FAT3: variants seen among roughly 807,000 people sequenced by gnomAD.
The protein encoded by FAT3 is protocadherin Fat 3.
FAT3 carries 95 observed loss-of-function variants against 310.2 expected under a neutral mutation model. That is an observed-to-expected ratio of 0.31 (90% CI 0.26 to 0.36). The LOEUF is 0.36. FAT3 is among the 10% of genes least tolerant of loss of function. FAT3 has a pLI of 1.00. For missense variants in FAT3, 5,408 were observed against 5,715.6 expected, an observed-to-expected ratio of 0.95 and a Z score of 1.74; for synonymous variants, 2,314 against 2,192.9, an observed-to-expected ratio of 1.06 and a Z score of -1.54.
intron 1 of FAT3, among the ~76,000 whole-genome samples, chr11:92,266,127 G>T (rs78062967): frequency 0.01 from 1,590 of 152,208 alleles, 34 homozygotes; most frequent in African/African-American, 0.036. Flanking sequence ...GACTTGCAAG[G>T]AGATTTATCT....
At chr11:92,777,000 G>T (rs1946614669) in intron 7 of FAT3, among the ~76,000 whole-genome samples, 2 of 152,150 alleles carry the variant, frequency 1.3e-5, no homozygotes, top group South Asian at 4.1e-4. Context: ...CACCCTCCGT[G>T]TCAAGAACAC....
chr11:92,573,610 T>C (rs1386095667), intron 3 of FAT3, among the ~76,000 whole-genome samples: 1 of 152,072 alleles, frequency 6.6e-6, no homozygotes, highest in Non-Finnish European at 1.5e-5. Context: ...TGAGTGTCCT[T>C]ATAAGGGACA....
chr11:92,418,806 C>G (rs992041668), intron 2 of FAT3, among the ~76,000 whole-genome samples: 3 of 152,090 alleles, frequency 2.0e-5, no homozygotes, highest in Admixed American at 1.3e-4. Flanking sequence ...TTTTTATGGG[C>G]ATATCTTGCT....
intron 4 of FAT3, among the ~76,000 whole-genome samples, chr11:92,748,031 C>T (rs1400417770): frequency 1.3e-5 from 2 of 152,178 alleles, no homozygotes; most frequent in African/African-American, 4.8e-5. Context: ...ATCCTTACAG[C>T]AGCATCCCAC....
chr11:92,609,762 A>G (rs1327380684), intron 3 of FAT3, among the ~76,000 whole-genome samples: 1 of 152,160 alleles, frequency 6.6e-6, no homozygotes, highest in African/African-American at 2.4e-5. Flanking sequence ...TGATTTAAGC[A>G]TATCATTTCT....
chr11:92,679,149 A>G (rs1482242981), intron 3 of FAT3, among the ~76,000 whole-genome samples: 1 of 152,220 alleles, frequency 6.6e-6, no homozygotes, highest in Non-Finnish European at 1.5e-5. Flanking sequence ...TTTATGGCTG[A>G]ATAGTATTCC....
At chr11:92,277,690 G>A (rs1946310773) in intron 1 of FAT3, among the ~76,000 whole-genome samples, 1 of 151,932 alleles carries the variant, frequency 6.6e-6, no homozygotes, top group African/African-American at 2.4e-5. Context: ...ATAGACACTG[G>A]GAATACTAGA....
intron 1 of FAT3, among the ~76,000 whole-genome samples, chr11:92,274,947 T>A (rs1458181280): frequency 6.6e-6 from 1 of 152,152 alleles, no homozygotes; most frequent in Non-Finnish European, 1.5e-5. Flanking sequence ...TAAATGGGGA[T>A]GGTTAAGAGA....
chr11:92,745,916 G>A (rs565928595), intron 4 of FAT3, among the ~76,000 whole-genome samples: 1 of 152,296 alleles, frequency 6.6e-6, no homozygotes, highest in African/African-American at 2.4e-5. Context: ...GACAGATCAT[G>A]GGTACCTGGA....
intron 1 of FAT3, among the ~76,000 whole-genome samples, chr11:92,302,070 T>C (rs1591075837): frequency 1.3e-5 from 2 of 152,200 alleles, no homozygotes; most frequent in Non-Finnish European, 2.9e-5. Flanking sequence ...CACACACATA[T>C]ACATTCACAT....
chr11:92,818,599 A>G (rs755102535), intron 13 of FAT3, among the ~76,000 whole-genome samples: 3 of 152,200 alleles, frequency 2.0e-5, no homozygotes, highest in Non-Finnish European at 4.4e-5. Flanking sequence ...CAAGAAACAC[A>G]TCTAGTAACT....
intron 1 of FAT3, among the ~76,000 whole-genome samples, chr11:92,292,762 C>T (rs1257130413): frequency 6.6e-6 from 1 of 152,054 alleles, no homozygotes; most frequent in East Asian, 1.9e-4. Flanking sequence ...ATGCATTGTG[C>T]AAATGCTGCA....
chr11:92,322,093 T>A (rs539742331), intron 1 of FAT3, among the ~76,000 whole-genome samples: 2 of 152,126 alleles, frequency 1.3e-5, no homozygotes, highest in East Asian at 3.9e-4. Context: ...AACATGAATG[T>A]AAGATAATGA....
chr11:92,444,855 CT>C (rs1951173521), intron 2 of FAT3, among the ~76,000 whole-genome samples: 1 of 152,252 alleles, frequency 6.6e-6, no homozygotes, highest in South Asian at 2.1e-4. Flanking sequence ...GACTACAACC[CT>C]TTCAATGGCT....
At position 92,881,711 on chromosome 11, in the gene FAT3, T is replaced by C. The variant is rs568872389; in HGVS notation, c.12281+827T>C. On this transcript the variant is annotated intron_variant, in intron 23 of 27. Transcript: ENST00000525166. ...TTAAATATCAGAAAAATTGCTGAAA[T>C]AGAGAAAAGTGAAAAAGAAGGTCTA... Among the ~76,000 whole-genome samples the C allele has an allele frequency of 2.0e-5, 3 of 152,158 alleles. No homozygotes were observed. In the East Asian group the frequency reaches 5.8e-4, roughly 29 times the overall value.
chr11:92,700,999 G>A (rs1195808763), intron 4 of FAT3, among the ~76,000 whole-genome samples: 1 of 152,150 alleles, frequency 6.6e-6, no homozygotes, highest in East Asian at 1.9e-4. Flanking sequence ...GTAGAATAGA[G>A]TTGTCTGTTA....
At position 92,866,858 on chromosome 11, in the gene FAT3, C is replaced by G. The variant is rs1428504735; in HGVS notation, c.11776C>G (p.Arg3926Gly). 6.2e-7 allele frequency: 1 copy of G among 1,613,862 alleles called. No individual in the cohort carries two copies. Among genetic ancestry groups the G allele is most frequent in the African/African-American group, 1.3e-5 (1 of 75,058 alleles). The change falls in exon 22 of 28, where the codon CGC (arginine) becomes GGC (glycine). Residue 3926 changes from arginine to glycine, a missense_variant. Physicochemically the swap from Arg to Gly is moderately radical, Grantham distance 125 (BLOSUM62 -2). Transcript: ENST00000525166. ...GCACTCGGTCTTCCTGGAGCTCAAC[C>G]GCAATTTCACGAGCCTGTCCCTGGA... ...SWHSVFLELN[R>G]NFTSLSLDDS... is the part of the protein sequence containing the mutation.
intron 2 of FAT3, among the ~76,000 whole-genome samples, chr11:92,511,584 G>A (rs1380916255): frequency 6.6e-6 from 1 of 152,208 alleles, no homozygotes; most frequent in Non-Finnish European, 1.5e-5. Flanking sequence ...GGAGCTCACA[G>A]TAGGATGGTA....
intron 2 of FAT3, among the ~76,000 whole-genome samples, chr11:92,483,767 T>A (rs1417619484): frequency 6.6e-6 from 1 of 152,214 alleles, no homozygotes; most frequent in Non-Finnish European, 1.5e-5. Context: ...TCAGATAACC[T>A]AGATCATTGC....
Sources: allele counts gnomAD v4.1 joint callset (sites outside exome capture counted in the v4.1 genomes callset), GRCh38; gene constraint gnomAD v4.1.1; transcripts MANE v1.5; gene names NCBI Gene and HGNC (gene_info 2026-07-23, HGNC 2026-07-21).